TMEM260: variants seen among roughly 807,000 people sequenced by gnomAD.
TMEM260 encodes protein O-mannosyl-transferase TMEM260.
TMEM260 carries 82 observed loss-of-function variants against 88.9 expected under a neutral mutation model. The ratio of observed to expected loss-of-function variants is 0.92; its 90% CI spans 0.77 to 1.11. The LOEUF is 1.11. Among genes scored for constraint, TMEM260 ranks in the 50% least tolerant of loss-of-function variants. TMEM260 has a pLI of 0.00. For synonymous variants in TMEM260, 314 were observed against 309.3 expected (o/e 1.02, Z -0.16); for missense variants, 902 against 853.4 (o/e 1.06, Z -0.71).
intron 3 of TMEM260, 69 bp downstream of exon 3, chr14:56,585,981 C>A: frequency 6.7e-7 from 1 of 1,484,568 alleles, no homozygotes; most frequent in African/African-American, 1.4e-5. Context: ...GGCTCAAGTA[C>A]ATACATTAAA....
At chr14:56,630,109 T>G (rs181212917) in intron 12 of TMEM260, among the ~76,000 whole-genome samples, 140 of 152,084 alleles carry the variant, frequency 9.2e-4, no homozygotes, top group South Asian at 2.1e-3. Flanking sequence ...TAATTAGAAA[T>G]CCACAGTAAT....
At chr14:56,644,059 T>A (rs779226098) in intron 15 of TMEM260, among the ~76,000 whole-genome samples, 83 of 152,168 alleles carry the variant, frequency 5.5e-4, no homozygotes, top group African/African-American at 1.2e-3. Flanking sequence ...AAGAATCAAT[T>A]GCGTGAAAAT....
At chr14:56,621,939 C>T (rs975962694) in intron 11 of TMEM260, among the ~76,000 whole-genome samples, 1 of 151,908 alleles carries the variant, frequency 6.6e-6, no homozygotes, top group African/African-American at 2.4e-5. Context: ...TTAAACTGAA[C>T]GTTTTAAGAA....
rs772521964 is a variant in TMEM260, at chr14:56,617,196, C to G, written c.955C>G (p.Pro319Ala). 6.0e-5 allele frequency: 96 copies of G among 1,589,978 alleles called. No homozygotes were observed. Among genetic ancestry groups the G allele is most frequent in the Non-Finnish European group, 8.1e-5 (95 of 1,169,260 alleles). The change falls in exon 9 of 16, where the codon CCA becomes GCA. Residue 319 changes from proline (P) to alanine (A), a missense_variant. Physicochemically the swap from Pro to Ala is conservative, Grantham distance 27. Coordinates refer to ENST00000261556, the MANE Select transcript of TMEM260 (RefSeq NM_017799.4). ...TATTTTTTGTAGGGACAGACAGAAT[C>G]CATCATTAGTATGGCTTTTTACTGG... ...ICLATKDRQN[P>A]SLVWLFTGMF...
rs1038511388 is a variant in TMEM260 at position 56,580,219 on chromosome 14, T to G, written c.160+145T>G. The G allele has an allele frequency of 8.5e-5, 54 of 637,974 alleles. 1 individual carries two copies. The highest frequency in any genetic ancestry group is 2.2e-4 in the Admixed American group (5 of 22,962). The allele number at this position is 637,974 out of a possible 1,614,324, so 39.5% of individuals were successfully genotyped here. A position where few individuals can be genotyped will look rare whatever the true frequency, so the allele number is the denominator to read the frequency against. ...CCCCTGTGCACAGCGCACTATTGTG[T>G]GTTCCAGAGCCCACTTCTGTTTCCA... On this transcript the variant is annotated intron_variant, in intron 1 of 15. Transcript: ENST00000261556.
At chr14:56,592,260 A>AT in intron 3 of TMEM260, among the ~76,000 whole-genome samples, 1 of 152,256 alleles carries the variant, frequency 6.6e-6, no homozygotes, top group Non-Finnish European at 1.5e-5. Context: ...AATATTTTAA[A>AT]TTTTTTTAGG....
intron 3 of TMEM260, among the ~76,000 whole-genome samples, chr14:56,600,560 C>T (rs1886513250): frequency 6.6e-6 from 1 of 152,022 alleles, no homozygotes; most frequent in Non-Finnish European, 1.5e-5. Context: ...ACACAAATGG[C>T]CAATAAACAC....
In TMEM260 at chr14:56,586,377, A is replaced by G. The variant is rs77492857; in HGVS notation, c.344+465A>G. On this transcript the variant is annotated intron_variant, in intron 3 of 15. Transcript: ENST00000261556. Reference sequence around the variant, plus strand: ...ATAAGGATATTAACTAAGGAAATCAATTTGGGATGTGGTTTTAGTAAGGTT... The same window carrying G: ...ATAAGGATATTAACTAAGGAAATCAGTTTGGGATGTGGTTTTAGTAAGGTT... Among the ~76,000 whole-genome samples, 22 of 152,292 alleles carry G rather than the reference A, an allele frequency of 1.4e-4. No individual in the cohort carries two copies. The East Asian group carries it at 4.1e-3, about 28-fold the overall frequency.
intron 12 of TMEM260, among the ~76,000 whole-genome samples, chr14:56,631,218 G>T (rs1027591681): frequency 6.6e-6 from 1 of 152,198 alleles, no homozygotes; most frequent in African/African-American, 2.4e-5. Flanking sequence ...TTGACTCAGG[G>T]TTTTATACGT....
At position 56,579,841 on chromosome 14, in the gene TMEM260, C is replaced by T. The variant is rs767630977; in HGVS notation, c.-74C>T. 1.8e-4 allele frequency: 219 copies of T among 1,217,736 alleles called. No homozygotes were observed. Among genetic ancestry groups the T allele is most frequent in the Non-Finnish European group, 2.2e-4 (213 of 975,526 alleles). 75.4% of individuals were successfully genotyped at this position (1,217,736 alleles called of 1,614,324 possible). A position where few individuals can be genotyped will look rare whatever the true frequency, so the allele number is the denominator to read the frequency against. On this transcript the variant is annotated 5_prime_UTR_variant, in exon 1 of 16. Coordinates refer to ENST00000261556, the MANE Select transcript of TMEM260 (RefSeq NM_017799.4). Reference sequence around the variant, plus strand: ...GCCGCCGCACAAGCTGCGCTCGTCTCTCGGCTGGGGAGCTCCGTGTCGCAC... The same window carrying T: ...GCCGCCGCACAAGCTGCGCTCGTCTTTCGGCTGGGGAGCTCCGTGTCGCAC...
intron 6 of TMEM260, among the ~76,000 whole-genome samples, chr14:56,609,863 C>T (rs1338188669): frequency 1.3e-5 from 2 of 152,098 alleles, no homozygotes; most frequent in African/African-American, 4.8e-5. Flanking sequence ...AATATAGTCA[C>T]AGTAAAGATT....
Position 56,634,933 on chromosome 14 carries a change from G to A in TMEM260, c.1759G>A (p.Glu587Lys). The A allele has an allele frequency of 1.9e-6, 3 of 1,614,020 alleles. No homozygotes were observed. Among genetic ancestry groups the A allele is most frequent in the Non-Finnish European group, 2.5e-6 (3 of 1,179,958 alleles). The change falls in exon 14 of 16, where the codon GAA becomes AAA. Residue 587 changes from glutamate to lysine, a missense_variant. Glu to Lys is a moderately conservative substitution (Grantham distance 56, BLOSUM62 1). Transcript: ENST00000261556. ...DPSSWESVAN[E>K]EMWQARMKTP... ...ATCTTCTTGGGAATCTGTGGCCAAT[G>A]AAGAAATGTGGCAAGCGAGGTGACT...
chr14:56,657,092 C>G, the TMEM260 span, among the ~76,000 whole-genome samples: 1 of 152,088 alleles, frequency 6.6e-6, no homozygotes, highest in Admixed American at 6.5e-5. Flanking sequence ...CATTCTACCC[C>G]CCAGGGACTT....
At chr14:56,627,332 T>TA (rs917359745) in intron 12 of TMEM260, among the ~76,000 whole-genome samples, 21 of 152,150 alleles carry the variant, frequency 1.4e-4, no homozygotes, top group African/African-American at 4.6e-4. Flanking sequence ...AACACATATA[T>TA]AAAAAATGCA....
chr14:56,581,569 G>A (rs1229179016), intron 1 of TMEM260, among the ~76,000 whole-genome samples: 2 of 152,188 alleles, frequency 1.3e-5, no homozygotes, highest in Non-Finnish European at 2.9e-5. Flanking sequence ...CTTATGGTTG[G>A]TTGAGTGTGA....
intron 3 of TMEM260, among the ~76,000 whole-genome samples, chr14:56,591,488 C>A (rs548245876): frequency 6.6e-6 from 1 of 152,144 alleles, no homozygotes; most frequent in Admixed American, 6.6e-5. Context: ...CTAAGAATTA[C>A]GTAGCATCTT....
At chr14:56,614,973 G>T (rs1887512045) in intron 7 of TMEM260, among the ~76,000 whole-genome samples, 1 of 152,126 alleles carries the variant, frequency 6.6e-6, no homozygotes, top group Admixed American at 6.5e-5. Context: ...GGAAATTATT[G>T]AATCTAACCT....
In TMEM260 at chr14:56,633,143, ATC is replaced by A; in HGVS notation, c.1698_1699del (p.Tyr567Ter). 1 of 1,613,022 alleles carries A rather than the reference ATC, an allele frequency of 6.2e-7. No individual in the cohort carries two copies. Among genetic ancestry groups the A allele is most frequent in the African/African-American group, 1.3e-5 (1 of 75,020 alleles). ...PEEWIKLTKS[I>X]YNWTEEYGRF... Reference sequence around the variant, plus strand: ...GGAATGGATTAAACTTACAAAAAGTATCTATAACTGGACCGAAGAATATGGAA... The same window carrying A: ...GGAATGGATTAAACTTACAAAAAGTATATAACTGGACCGAAGAATATGGAA... On this transcript the variant is annotated frameshift_variant, in exon 13 of 16. Transcript: ENST00000261556. LOFTEE classifies it high-confidence loss of function.
the TMEM260 span, among the ~76,000 whole-genome samples, chr14:56,660,908 A>G: frequency 6.6e-6 from 1 of 152,226 alleles, no homozygotes. Context: ...CTTAGTTTAA[A>G]AACCAAACAC....
Sources: gnomAD v4.1 joint callset for allele counts (sites outside exome capture counted in the v4.1 genomes callset) on GRCh38, gnomAD v4.1.1 for gene constraint, MANE v1.5 for transcripts, NCBI Gene and HGNC (gene_info 2026-07-23, HGNC 2026-07-21) for gene names.